Variants in ADCY8 observed in about 807,000 individuals in gnomAD.
ADCY8 encodes adenylate cyclase 8.
Under a neutral mutation model 119.7 loss-of-function variants are expected in ADCY8, and 51 were observed. The ratio of observed to expected loss-of-function variants is 0.43; its 90% CI spans 0.34 to 0.54. ADCY8 has a LOEUF of 0.54. ADCY8 is among the 20% of genes least tolerant of loss of function. ADCY8 has a pLI of 0.03. For missense variants in ADCY8, 1,383 were observed against 1,598.8 expected, an observed-to-expected ratio of 0.87 and a Z score of 2.30; for synonymous variants, 665 against 651.0, an observed-to-expected ratio of 1.02 and a Z score of -0.33.
chr8:131,029,937 T>A (rs947702005), intron 1 of ADCY8, among the ~76,000 whole-genome samples: 1 of 152,126 alleles, frequency 6.6e-6, no homozygotes, highest in African/African-American at 2.4e-5. Flanking sequence ...ATTTAAAATA[T>A]GATATTCAGA....
chr8:130,916,855 G>A (rs1019734494), intron 5 of ADCY8, among the ~76,000 whole-genome samples: 7 of 152,204 alleles, frequency 4.6e-5, no homozygotes, highest in South Asian at 4.1e-4. Flanking sequence ...ATCTCTGTTC[G>A]GGGCTCTCAG....
intron 9 of ADCY8, among the ~76,000 whole-genome samples, chr8:130,859,628 G>A (rs1214592220): frequency 6.6e-6 from 1 of 152,084 alleles, no homozygotes; most frequent in African/African-American, 2.4e-5. Context: ...ATTCCATCAT[G>A]GGATCCCCTA....
chr8:130,899,341 C>G (rs1586549572), intron 7 of ADCY8, among the ~76,000 whole-genome samples: 1 of 152,152 alleles, frequency 6.6e-6, no homozygotes, highest in African/African-American at 2.4e-5. Context: ...TGCAGTGGCT[C>G]AAGCCTGTAA....
Position 130,849,622 on chromosome 8 carries a change from G to C in ADCY8, c.2392C>G (p.Leu798Val), listed in dbSNP as rs572890446. 6.2e-7 allele frequency: 1 copy of C among 1,613,978 alleles called. No homozygotes were observed. The highest frequency in any genetic ancestry group is 1.1e-5 in the South Asian group (1 of 91,080). ...CTTACGATATTTAAGATGGCACCCA[G>C]GAAATTAATCAAAATGGATGCAAAG... The part of the protein sequence containing the change: ...IIFASILINF[L>V]GAILNILWCD... The change falls in exon 10 of 18, where the codon CTG becomes GTG. Residue 798 changes from leucine to valine, a missense_variant. Leu to Val is a conservative substitution (Grantham distance 32). This residue lies in a region of ADCY8 where 928 missense variants were observed against 1,163.5 expected (regional missense o/e 0.80). Transcript: ENST00000286355.
intron 1 of ADCY8, among the ~76,000 whole-genome samples, chr8:131,011,392 A>G (rs551341973): frequency 6.6e-6 from 1 of 152,270 alleles, no homozygotes; most frequent in South Asian, 2.1e-4. Context: ...AGGGCCTGCC[A>G]AGCATTGCAT....
intron 9 of ADCY8, among the ~76,000 whole-genome samples, chr8:130,862,392 A>G (rs1817963420): frequency 6.6e-6 from 1 of 151,762 alleles, no homozygotes; most frequent in African/African-American, 2.4e-5. Flanking sequence ...TTGTGTTTTC[A>G]TTTTCATTTA....
intron 2 of ADCY8, among the ~76,000 whole-genome samples, chr8:130,957,086 T>C (rs936218503): frequency 1.3e-5 from 2 of 151,950 alleles, no homozygotes; most frequent in African/African-American, 4.8e-5. Flanking sequence ...CAGGCAGAGG[T>C]TGGAACAGTC....
intron 9 of ADCY8, among the ~76,000 whole-genome samples, chr8:130,858,502 T>A (rs1012366431): frequency 1.3e-5 from 2 of 152,316 alleles, no homozygotes; most frequent in East Asian, 3.9e-4. Context: ...TTATATGCCA[T>A]ACTTACTAGA....
intron 2 of ADCY8, among the ~76,000 whole-genome samples, chr8:130,972,886 GT>G (rs147295295): frequency 7.4e-5 from 11 of 149,164 alleles, no homozygotes; most frequent in Middle Eastern, 3.4e-3. Flanking sequence ...ATAAGCATCA[GT>G]TTTTTTTTTA....
At chr8:130,788,927 A>AC (rs1815340342) in intron 15 of ADCY8, among the ~76,000 whole-genome samples, 1 of 152,194 alleles carries the variant, frequency 6.6e-6, no homozygotes, top group Non-Finnish European at 1.5e-5. Context: ...ATTAAAGAGT[A>AC]CCTATCATGA....
intron 7 of ADCY8, 75 bp downstream of exon 7, chr8:130,903,697 C>A: frequency 6.5e-7 from 1 of 1,528,064 alleles, no homozygotes; most frequent in Non-Finnish European, 8.9e-7. Flanking sequence ...AATCAGTTTT[C>A]TCTGAGGTGT....
chr8:130,849,965 A>T (rs1018359351), intron 9 of ADCY8, among the ~76,000 whole-genome samples, 162 bp from the exon 10 acceptor site: 3 of 152,198 alleles, frequency 2.0e-5, no homozygotes, highest in African/African-American at 7.2e-5. Flanking sequence ...TTTAAAAATT[A>T]CATGCATCCC....
At chr8:130,793,356 A>G (rs1002952582) in intron 15 of ADCY8, among the ~76,000 whole-genome samples, 1 of 152,098 alleles carries the variant, frequency 6.6e-6, no homozygotes, top group African/African-American at 2.4e-5. Flanking sequence ...AACACCAGGA[A>G]AGTCCTGGGT....
chr8:131,018,071 A>T (rs1485596314), intron 1 of ADCY8, among the ~76,000 whole-genome samples: 1 of 152,230 alleles, frequency 6.6e-6, no homozygotes, highest in East Asian at 1.9e-4. Flanking sequence ...GGAGTTTGTC[A>T]TTTGGAATAA....
chr8:130,803,721 C>G (rs1285869578), intron 14 of ADCY8, among the ~76,000 whole-genome samples: 1 of 152,168 alleles, frequency 6.6e-6, no homozygotes, highest in Admixed American at 6.5e-5. Context: ...GATCACACAG[C>G]TAGTAGTGGA....
At chr8:130,784,142 G>A (rs1476949760) in intron 16 of ADCY8, among the ~76,000 whole-genome samples, 1 of 151,958 alleles carries the variant, frequency 6.6e-6, no homozygotes, top group Non-Finnish European at 1.5e-5. Flanking sequence ...TGTGTGTTGG[G>A]GGTGTGTGGG....
intron 8 of ADCY8, among the ~76,000 whole-genome samples, chr8:130,869,897 G>A (rs72712497): frequency 0.08 from 12,105 of 151,424 alleles, 540 homozygotes; most frequent in Non-Finnish European, 0.1. Flanking sequence ...AATCATTTTA[G>A]TGTAGTTAAT....
chr8:130,858,900 ATGTGTGTGTGTG>A (rs139305903), intron 9 of ADCY8, among the ~76,000 whole-genome samples: 4 of 148,694 alleles, frequency 2.7e-5, no homozygotes, highest in Admixed American at 6.7e-5. Context: ...TATCATGTAT[ATGTGTGTGTGTG>A]TGTGTGTGTG....
chr8:131,011,981 G>A (rs975971414), intron 1 of ADCY8, among the ~76,000 whole-genome samples: 1 of 152,148 alleles, frequency 6.6e-6, no homozygotes, highest in Non-Finnish European at 1.5e-5. Flanking sequence ...CATGAGTCAG[G>A]GGAACAAGGG....
Sources: gnomAD v4.1 joint callset for allele counts (sites outside exome capture counted in the v4.1 genomes callset) on GRCh38, gnomAD v4.1.1 for gene constraint, gnomAD v4.1.1 regional missense constraint, MANE v1.5 for transcripts, NCBI Gene and HGNC (gene_info 2026-07-23, HGNC 2026-07-21) for gene names.